Variants in LOC128092253 observed in about 807,000 individuals in gnomAD.
the LOC128092253 span, among the ~76,000 whole-genome samples, chr6:133,963,645 C>T: frequency 3.9e-5 from 6 of 152,126 alleles, no homozygotes; most frequent in Non-Finnish European, 7.4e-5. Flanking sequence ...TGGTCTGTAA[C>T]TCCTGGCTCA....
the LOC128092253 span, among the ~76,000 whole-genome samples, chr6:133,972,976 G>C: frequency 1.3e-5 from 2 of 152,126 alleles, no homozygotes; most frequent in African/African-American, 4.8e-5. Context: ...AGCTAAATGG[G>C]AACACTAGGT....
At chr6:133,964,641 G>A in the LOC128092253 span, among the ~76,000 whole-genome samples, 1 of 151,718 alleles carries the variant, frequency 6.6e-6, no homozygotes. Context: ...GTAGAGATGG[G>A]GTTTTACCGT....
chr6:133,972,778 A>G, the LOC128092253 span, among the ~76,000 whole-genome samples: 1 of 152,156 alleles, frequency 6.6e-6, no homozygotes, highest in Non-Finnish European at 1.5e-5. Context: ...ATATTCAACT[A>G]TTGGTGAATC....
At chr6:133,960,780 C>T in the LOC128092253 span, among the ~76,000 whole-genome samples, 2 of 151,960 alleles carry the variant, frequency 1.3e-5, no homozygotes, top group African/African-American at 4.8e-5. Flanking sequence ...CTCTGATGAC[C>T]GGCTATAGTG....
chr6:133,972,272 T>A, the LOC128092253 span, among the ~76,000 whole-genome samples: 52 of 152,216 alleles, frequency 3.4e-4, no homozygotes, highest in Non-Finnish European at 6.2e-4. Context: ...TTTCATAATT[T>A]CATGTCACTC....
the LOC128092253 span, among the ~76,000 whole-genome samples, chr6:133,965,457 T>C: frequency 1.3e-5 from 2 of 152,202 alleles, no homozygotes; most frequent in East Asian, 1.9e-4. Context: ...GCATAATACC[T>C]ATTTCGTAAC....
chr6:133,964,847 A>G, the LOC128092253 span, among the ~76,000 whole-genome samples: 1 of 152,334 alleles, frequency 6.6e-6, no homozygotes, highest in East Asian at 1.9e-4. Flanking sequence ...CAGGTTGTCT[A>G]TGCTAGAGCA....
chr6:133,958,563 A>C, the LOC128092253 span, among the ~76,000 whole-genome samples: 1 of 152,206 alleles, frequency 6.6e-6, no homozygotes, highest in African/African-American at 2.4e-5. Context: ...AGTTTTGTTT[A>C]GGCTGCTGCT....
At chr6:133,979,247 G>A in the LOC128092253 span, among the ~76,000 whole-genome samples, 34 of 152,240 alleles carry the variant, frequency 2.2e-4, no homozygotes, top group African/African-American at 8.2e-4. Context: ...AGAAAATAAT[G>A]AATGAATGGT....
At chr6:133,960,670 T>C in the LOC128092253 span, among the ~76,000 whole-genome samples, 1 of 152,230 alleles carries the variant, frequency 6.6e-6, no homozygotes, top group Non-Finnish European at 1.5e-5. Flanking sequence ...ATATTTTTGC[T>C]GTCTCTTTGG....
chr6:133,975,841 TTGTAA>T, the LOC128092253 span, among the ~76,000 whole-genome samples: 1 of 152,212 alleles, frequency 6.6e-6, no homozygotes, highest in African/African-American at 2.4e-5. Flanking sequence ...ATCAGTTGTA[TTGTAA>T]TGTTTATTTT....
At chr6:133,980,074 T>C in the LOC128092253 span, 2 of 1,402,462 alleles carry the variant, frequency 1.4e-6, no homozygotes, top group South Asian at 1.9e-5. Flanking sequence ...TTTTGTTTTA[T>C]TTCTCAGGAT....
chr6:133,965,265 C>T, the LOC128092253 span, among the ~76,000 whole-genome samples: 1 of 152,098 alleles, frequency 6.6e-6, no homozygotes, highest in East Asian at 1.9e-4. Context: ...AACTTTTTAG[C>T]TTTTAAAATT....
the LOC128092253 span, among the ~76,000 whole-genome samples, chr6:133,965,616 T>C: frequency 6.6e-6 from 1 of 152,000 alleles, no homozygotes; most frequent in Non-Finnish European, 1.5e-5. Flanking sequence ...TGTGGGTTTT[T>C]TTTTTTAATT....
the LOC128092253 span, among the ~76,000 whole-genome samples, chr6:133,974,311 T>C: frequency 1.3e-5 from 2 of 152,092 alleles, no homozygotes; most frequent in African/African-American, 2.4e-5. Flanking sequence ...TTGCCATATA[T>C]CATCTTATTA....
At chr6:133,977,248 A>C in the LOC128092253 span, among the ~76,000 whole-genome samples, 3 of 152,170 alleles carry the variant, frequency 2.0e-5, no homozygotes, top group African/African-American at 7.2e-5. Flanking sequence ...TTATTAAAGC[A>C]ATCTTTTCTG....
chr6:133,963,690 G>A, the LOC128092253 span, among the ~76,000 whole-genome samples: 11 of 151,922 alleles, frequency 7.2e-5, no homozygotes, highest in Non-Finnish European at 1.5e-4. Context: ...CAAAGTGCTG[G>A]GATTACAGGC....
At chr6:133,964,205 G>A in the LOC128092253 span, among the ~76,000 whole-genome samples, 1 of 152,074 alleles carries the variant, frequency 6.6e-6, no homozygotes, top group Admixed American at 6.5e-5. Context: ...TTTTAAAAAT[G>A]TATGGCTTTC....
the LOC128092253 span, among the ~76,000 whole-genome samples, chr6:133,962,040 C>T: frequency 1.3e-5 from 2 of 151,978 alleles, no homozygotes; most frequent in African/African-American, 4.8e-5. Context: ...GTAAAAGTTT[C>T]CTAGTTGAAG....
Sources: gnomAD v4.1 joint callset for allele counts (sites outside exome capture counted in the v4.1 genomes callset) on GRCh38, gnomAD v4.1.1 for gene constraint, MANE v1.5 for transcripts.